Variants in NEBL observed in about 807,000 individuals in gnomAD.
NEBL encodes LIM and SH3 protein 2.
In NEBL, 122 loss-of-function variants were observed where a neutral mutation model predicts 140.2. That is an observed-to-expected ratio of 0.87 (90% CI 0.75 to 1.01). The LOEUF (loss-of-function observed/expected upper bound fraction) is 1.01, where lower values mean the gene tolerates loss of function less well. Ranked by LOEUF, NEBL falls within the 50% of genes least tolerant of loss-of-function variation. The pLI is 0.00. For missense variants in NEBL, 1,365 were observed against 1,231.3 expected, an observed-to-expected ratio of 1.11 and a Z score of -1.62; for synonymous variants, 436 against 398.9, an observed-to-expected ratio of 1.09 and a Z score of -1.11.
Position 21,173,851 on chromosome 10 carries a change from G to T in NEBL, c.-18C>A. ...GGGTTCATGATCGCGGTTCCCGGGG[G>T]CGGCGGCGGCGGCGGCTGCTGGCTC... On this transcript the variant is annotated 5_prime_UTR_variant, in exon 1 of 7. Transcript: ENST00000417816. The surrounding 1 kb of genome is among the most constrained non-coding windows in gnomAD (Gnocchi z 5.7). 6.2e-7 allele frequency: 1 copy of T among 1,600,164 alleles called. No homozygotes were observed.
chr10:20,850,534 C>A (rs376754098), intron 10 of NEBL, 32 bp from the exon 11 acceptor site: 1 of 1,389,276 alleles, frequency 7.2e-7, no homozygotes, highest in South Asian at 1.2e-5. Flanking sequence ...ATATACAAAT[C>A]GAAAGTCCTT....
At position 21,189,799 on chromosome 10, in the gene NEBL, C is replaced by T. The variant is rs982743609; in HGVS notation, n.349-17322G>A. Among the ~76,000 whole-genome samples, 9 of 152,100 alleles carry T rather than the reference C, an allele frequency of 5.9e-5. 1 individual carries two copies. Among genetic ancestry groups the T allele is most frequent in the African/African-American group, 1.4e-4 (6 of 41,410 alleles). On this transcript the variant is annotated intron_variant and non_coding_transcript_variant, in intron 3 of 8. Coordinates refer to the NEBL transcript ENST00000675702. ...CTGTTGTTTTAAGCAACCACATTTA[C>T]GGTAATCTGTTAAGGGAGGTCTGAG...
chr10:20,973,132 C>T (rs1836651646), intron 3 of NEBL, among the ~76,000 whole-genome samples: 1 of 152,134 alleles, frequency 6.6e-6, no homozygotes, highest in Non-Finnish European at 1.5e-5. Flanking sequence ...TGCTATGTAA[C>T]AGCAGGTATG....
intron 2 of NEBL, among the ~76,000 whole-genome samples, chr10:21,044,397 TA>T (rs57176129): frequency 0.034 from 1,174 of 34,688 alleles, 6 homozygotes; most frequent in African/African-American, 0.15. Context: ...AGAGTAAGAA[TA>T]AAAAAAAAAA....
Position 21,160,270 on chromosome 10 carries a change from C to T in NEBL, c.164+12113G>A, listed in dbSNP as rs144377750. The stretch of plus-strand genomic sequence containing the variant: ...AGGACACTTCCTGGGCAGCAGCCCC[C>T]GTGTGCAAATCTTGAGTGCTTTTTA... On this transcript the variant is annotated intron_variant, in intron 2 of 6. Transcript: ENST00000417816. Among the ~76,000 whole-genome samples, 290 of 152,270 alleles carry T rather than the reference C, an allele frequency of 1.9e-3. 1 individual carries two copies. The highest frequency in any genetic ancestry group is 6.3e-3 in the African/African-American group (263 of 41,560).
rs1335989569 is a variant in NEBL at position 20,880,922 on chromosome 10, T to A, written c.370-18A>T. 3 of 1,597,856 alleles carry A rather than the reference T, an allele frequency of 1.9e-6. No individual in the cohort carries two copies. The African/African-American group carries it at 4.0e-5, about 21-fold the overall frequency. Reference sequence around the variant, plus strand: ...TAGGCCACCTGAAAAACACAAATAATTTTTAGTCCCATTTAGAGGCATATA... The same window carrying A: ...TAGGCCACCTGAAAAACACAAATAAATTTTAGTCCCATTTAGAGGCATATA... On this transcript the variant is annotated intron_variant, in intron 4 of 27. Transcript: ENST00000377122.
At position 20,941,936 on chromosome 10, in the gene NEBL, AG is replaced by A. The variant is rs57587942; in HGVS notation, c.357+19735del. On this transcript the variant is annotated intron_variant, in intron 4 of 6. Coordinates refer to the NEBL transcript ENST00000417816. ...ACAAACCACTGCTCAATGAAATAAA[AG>A]AGGATACAAACAAATGGAAGAACAT... Among the ~76,000 whole-genome samples, 154 of 152,266 alleles carry A rather than the reference AG, an allele frequency of 1.0e-3. 2 individuals are homozygous for A. In the East Asian group the frequency reaches 0.029, roughly 29 times the overall value.
chr10:20,837,094 A>G (rs1840975178), intron 13 of NEBL, among the ~76,000 whole-genome samples: 1 of 152,152 alleles, frequency 6.6e-6, no homozygotes, highest in Non-Finnish European at 1.5e-5. Context: ...TAGATGGTCA[A>G]GTAAACAGAA....
intron 1 of NEBL, among the ~76,000 whole-genome samples, chr10:21,262,209 A>G (rs562610991): frequency 7.0e-4 from 107 of 152,336 alleles, no homozygotes; most frequent in African/African-American, 2.5e-3. Context: ...GGCTCCAATG[A>G]ACCCCAAGAA....
intron 2 of NEBL, among the ~76,000 whole-genome samples, chr10:21,101,425 ACTC>A: frequency 6.6e-6 from 1 of 152,102 alleles, no homozygotes; most frequent in East Asian, 1.9e-4. Flanking sequence ...AGTAGTTTTC[ACTC>A]CTCCTTCTGC....
chr10:20,960,523 G>T (rs1017134162), intron 4 of NEBL, among the ~76,000 whole-genome samples: 1 of 152,084 alleles, frequency 6.6e-6, no homozygotes, highest in African/African-American at 2.4e-5. Context: ...TGTGTACTTT[G>T]CATCCTCCCA....
chr10:21,105,352 A>G (rs1326763487), intron 2 of NEBL, among the ~76,000 whole-genome samples: 1 of 151,070 alleles, frequency 6.6e-6, no homozygotes, highest in Admixed American at 6.6e-5. Flanking sequence ...CTACCCCCCG[A>G]CAGGCCCCAG....
chr10:21,030,757 A>G (rs1833745464), intron 2 of NEBL: 1 of 430,470 alleles, frequency 2.3e-6, no homozygotes, highest in Non-Finnish European at 4.6e-6. Context: ...GAAAGATGGC[A>G]AAAAGGAGCA....
chr10:20,791,186 A>T (rs967035282), intron 26 of NEBL, among the ~76,000 whole-genome samples: 1 of 152,234 alleles, frequency 6.6e-6, no homozygotes, highest in Non-Finnish European at 1.5e-5. Context: ...AGCTGTCTAA[A>T]GCTCTAAGCA....
chr10:21,077,586 G>A (rs1193786880), intron 2 of NEBL, among the ~76,000 whole-genome samples: 3 of 151,868 alleles, frequency 2.0e-5, no homozygotes, highest in Non-Finnish European at 2.9e-5. Flanking sequence ...CAGCCTGGGC[G>A]ACAGAGCAAG....
intron 4 of NEBL, among the ~76,000 whole-genome samples, chr10:20,902,595 G>A (rs1045642565): frequency 5.3e-5 from 8 of 152,110 alleles, no homozygotes; most frequent in East Asian, 1.9e-4. Context: ...AAATTAAAAC[G>A]ATGTACTCTG....
chr10:20,877,147 G>A (rs146384270), intron 5 of NEBL, among the ~76,000 whole-genome samples: 169 of 152,302 alleles, frequency 1.1e-3, no homozygotes, highest in African/African-American at 3.8e-3. Context: ...GGACGAAATA[G>A]AACCAGTAAT....
intron 4 of NEBL, among the ~76,000 whole-genome samples, chr10:20,952,043 A>C (rs1363642562): frequency 6.6e-6 from 1 of 152,174 alleles, no homozygotes; most frequent in East Asian, 1.9e-4. Context: ...AATTCAACCA[A>C]GATCTGGAAA....
chr10:21,223,006 A>T (rs778550083), intron 3 of NEBL, among the ~76,000 whole-genome samples: 1 of 152,166 alleles, frequency 6.6e-6, no homozygotes, highest in Non-Finnish European at 1.5e-5. Context: ...CAGGTGATCC[A>T]CCCACCTTGG....
Sources: allele counts gnomAD v4.1 joint callset (sites outside exome capture counted in the v4.1 genomes callset), GRCh38; gene constraint gnomAD v4.1.1; non-coding constraint Gnocchi (gnomAD v3.1); transcripts MANE v1.5; gene names NCBI Gene and HGNC (gene_info 2026-07-23, HGNC 2026-07-21).